LRRTM4: variants seen among roughly 807,000 people sequenced by gnomAD.
LRRTM4 encodes the protein leucine-rich repeat transmembrane neuronal protein 4.
In LRRTM4, 25 loss-of-function variants were observed where a neutral mutation model predicts 47.6. The ratio of observed to expected loss-of-function variants is 0.53; its 90% CI spans 0.38 to 0.73. The LOEUF is 0.73. Among genes scored for constraint, LRRTM4 ranks in the 30% least tolerant of loss-of-function variants. LRRTM4 has a pLI of 0.00. For missense variants in LRRTM4, 638 were observed against 713.4 expected (o/e 0.89, Z 1.20); for synonymous variants, 311 against 269.5 (o/e 1.15, Z -1.51).
At chr2:77,213,810 T>C (rs1674361855) in intron 3 of LRRTM4, among the ~76,000 whole-genome samples, 1 of 152,208 alleles carries the variant, frequency 6.6e-6, no homozygotes. Context: ...GACGGTGTAA[T>C]TGATCCTTTG....
chr2:77,069,290 TATA>T lies in LRRTM4; in HGVS notation c.1552-320377_1552-320375del, dbSNP rs149770165. 2.0e-3 allele frequency among the ~76,000 whole-genome samples: 304 copies of T among 152,236 alleles called. 2 individuals carry two copies. The highest frequency in any genetic ancestry group is 3.7e-3 in the East Asian group (19 of 5,174). On this transcript the variant is annotated intron_variant, in intron 3 of 3. Transcript: ENST00000409884. ...TTATGAATAACATATATATTATGAA[TATA>T]ATAATACTATTAACATACATGTACA...
At chr2:77,040,599 A>T (rs1370440033) in intron 3 of LRRTM4, among the ~76,000 whole-genome samples, 1 of 151,388 alleles carries the variant, frequency 6.6e-6, no homozygotes, top group African/African-American at 2.4e-5. Flanking sequence ...GCAGTTGCAA[A>T]GGCTTATTTA....
At chr2:77,165,114 A>C (rs182201073) in intron 3 of LRRTM4, among the ~76,000 whole-genome samples, 344 of 152,298 alleles carry the variant, frequency 2.3e-3, no homozygotes, top group Non-Finnish European at 3.6e-3. Flanking sequence ...GATGCAATAA[A>C]AAATGATAAA....
intron 3 of LRRTM4, among the ~76,000 whole-genome samples, chr2:77,062,432 C>G (rs1018562540): frequency 2.0e-5 from 3 of 152,150 alleles, no homozygotes; most frequent in Admixed American, 2.0e-4. Flanking sequence ...GAGTAGCTTA[C>G]ACTTGCAATT....
chr2:77,007,404 T>C (rs754525921), intron 3 of LRRTM4, among the ~76,000 whole-genome samples: 17 of 152,194 alleles, frequency 1.1e-4, no homozygotes, highest in Non-Finnish European at 2.2e-4. Context: ...GAGTCATGCA[T>C]GTAAAATTTG....
chr2:76,760,137 G>A lies in LRRTM4; in HGVS notation c.1552-11221C>T, dbSNP rs6740120. 8.5e-3 allele frequency among the ~76,000 whole-genome samples: 1,296 copies of A among 152,174 alleles called. 19 individuals carry two copies. The highest frequency in any genetic ancestry group is 0.029 in the African/African-American group (1,218 of 41,522). On this transcript the variant is annotated intron_variant, in intron 3 of 3. Coordinates refer to ENST00000409884, the MANE Select transcript of LRRTM4 (RefSeq NM_001134745.3). ...GAAGTTTACCTCTAAAGCTGTGAGC[G>A]TCTCACTTTCCTTTTCCTTTCTGTA...
chr2:77,179,468 G>T (rs1188178387), intron 3 of LRRTM4, among the ~76,000 whole-genome samples: 1 of 152,068 alleles, frequency 6.6e-6, no homozygotes, highest in African/African-American at 2.4e-5. Flanking sequence ...ATTATGTGAG[G>T]TTTAGTAATC....
intron 3 of LRRTM4, among the ~76,000 whole-genome samples, chr2:76,823,660 A>G (rs1227937538): frequency 6.6e-6 from 1 of 151,470 alleles, no homozygotes; most frequent in Admixed American, 6.6e-5. Context: ...TCTTCCGTTC[A>G]TTGAGAATGA....
intron 3 of LRRTM4, among the ~76,000 whole-genome samples, chr2:77,471,055 T>C (rs538285093): frequency 6.6e-6 from 1 of 152,124 alleles, no homozygotes; most frequent in South Asian, 2.1e-4. Flanking sequence ...TATCTATCTA[T>C]ATCTAGTTCA....
At chr2:76,951,668 G>A (rs1184962262) in intron 3 of LRRTM4, among the ~76,000 whole-genome samples, 1 of 152,048 alleles carries the variant, frequency 6.6e-6, no homozygotes, top group East Asian at 2.0e-4. Context: ...AGAACATGCA[G>A]GTTTGTTACA....
chr2:77,454,417 G>T (rs974590243), intron 3 of LRRTM4, among the ~76,000 whole-genome samples: 1 of 152,056 alleles, frequency 6.6e-6, no homozygotes, highest in African/African-American at 2.4e-5. Context: ...TTTCTTTACC[G>T]CATTTCTTAT....
chr2:77,245,941 G>T (rs1452368080), intron 3 of LRRTM4, among the ~76,000 whole-genome samples: 1 of 152,110 alleles, frequency 6.6e-6, no homozygotes, highest in Non-Finnish European at 1.5e-5. Flanking sequence ...CAATTGCCAA[G>T]AATCTACATT....
chr2:77,320,869 A>G (rs1677768431), intron 3 of LRRTM4, among the ~76,000 whole-genome samples: 1 of 152,120 alleles, frequency 6.6e-6, no homozygotes, highest in African/African-American at 2.4e-5. Context: ...TAGAACATTT[A>G]AATAAATTAT....
chr2:76,837,637 G>A (rs897446209), intron 3 of LRRTM4, among the ~76,000 whole-genome samples: 1 of 152,032 alleles, frequency 6.6e-6, no homozygotes, highest in Admixed American at 6.6e-5. Flanking sequence ...ACATGCACAC[G>A]CATGTTTATT....
At chr2:76,766,553 G>A (rs1373820422) in intron 3 of LRRTM4, among the ~76,000 whole-genome samples, 2 of 152,140 alleles carry the variant, frequency 1.3e-5, no homozygotes, top group African/African-American at 4.8e-5. Context: ...AAGGAGGCTT[G>A]TTCTATGACT....
intron 3 of LRRTM4, among the ~76,000 whole-genome samples, chr2:77,407,310 A>G (rs987629449): frequency 6.6e-6 from 1 of 152,010 alleles, no homozygotes; most frequent in Non-Finnish European, 1.5e-5. Flanking sequence ...TATTATTTTC[A>G]GAATGTGCCC....
chr2:76,926,225 G>T (rs950659445), intron 3 of LRRTM4, among the ~76,000 whole-genome samples: 3 of 152,104 alleles, frequency 2.0e-5, no homozygotes, highest in African/African-American at 7.2e-5. Context: ...TTTTATAAAT[G>T]ATTAACAAAG....
chr2:77,307,984 A>G (rs1190556902), intron 3 of LRRTM4, among the ~76,000 whole-genome samples: 20 of 116,318 alleles, frequency 1.7e-4, no homozygotes, highest in African/African-American at 2.3e-4. Context: ...AGAAATATAA[A>G]TATATAGATA....
intron 3 of LRRTM4, among the ~76,000 whole-genome samples, chr2:76,795,802 G>C (rs182793555): frequency 6.6e-6 from 1 of 151,880 alleles, no homozygotes; most frequent in Non-Finnish European, 1.5e-5. Context: ...AAAGAAAAGT[G>C]AAGGGAGGAG....
Sources: gnomAD v4.1 joint callset for allele counts (sites outside exome capture counted in the v4.1 genomes callset) on GRCh38, gnomAD v4.1.1 for gene constraint, MANE v1.5 for transcripts, NCBI Gene and HGNC (gene_info 2026-07-23, HGNC 2026-07-21) for gene names.